The following VWA8 variants were observed in gnomAD, a reference collection of about 807,000 sequenced individuals.
VWA8 encodes the protein von Willebrand factor A domain containing 8, also known as von Willebrand factor A domain-containing protein 8.
Under a neutral mutation model 241.5 loss-of-function variants are expected in VWA8, and 221 were observed. The ratio of observed to expected loss-of-function variants is 0.91; its 90% CI spans 0.82 to 1.02. The LOEUF is 1.02. VWA8 is among the 50% of genes least tolerant of loss of function. The pLI, the probability that VWA8 is intolerant of heterozygous loss-of-function variation, is 0.00. For synonymous variants in VWA8, 852 were observed against 827.1 expected (o/e 1.03, Z -0.52); for missense variants, 2,322 against 2,328.7 (o/e 1.00, Z 0.06).
At chr13:41,830,383 T>C in intron 14 of VWA8, 146 bp downstream of exon 14, 1 of 576,088 alleles carries the variant, frequency 1.7e-6, no homozygotes, top group Non-Finnish European at 2.9e-6. Flanking sequence ...TTTTAAGAAA[T>C]GCCAAAGTAG....
At chr13:41,866,066 G>A (rs761660579) in intron 10 of VWA8, 30 bp from the exon 11 acceptor site, 16 of 1,606,344 alleles carry the variant, frequency 1.0e-5, no homozygotes, top group Non-Finnish European at 1.3e-5. Flanking sequence ...AATATAACAT[G>A]GCCAGATGTG....
intron 35 of VWA8, among the ~76,000 whole-genome samples, chr13:41,676,964 A>T (rs1292306800): frequency 1.3e-5 from 2 of 152,220 alleles, no homozygotes; most frequent in Non-Finnish European, 2.9e-5. Flanking sequence ...CTCAAAAAAA[A>T]ATCTTCTTTC....
At chr13:41,697,258 C>T (rs1207273769) in intron 29 of VWA8, among the ~76,000 whole-genome samples, 1 of 152,190 alleles carries the variant, frequency 6.6e-6, no homozygotes, top group African/African-American at 2.4e-5. Flanking sequence ...GCCCCATCCT[C>T]CTCCAAACCA....
intron 40 of VWA8, among the ~76,000 whole-genome samples, chr13:41,595,905 T>C (rs2044485058): frequency 1.3e-5 from 2 of 152,126 alleles, no homozygotes; most frequent in Non-Finnish European, 2.9e-5. Context: ...TGATGAACAG[T>C]TTTCCAAAGT....
At chr13:41,790,890 T>C (rs1184198204) in intron 17 of VWA8, among the ~76,000 whole-genome samples, 1 of 151,850 alleles carries the variant, frequency 6.6e-6, no homozygotes, top group Non-Finnish European at 1.5e-5. Flanking sequence ...GTTGCAATCT[T>C]AATGCCATTG....
Position 41,779,904 on chromosome 13 carries a change from G to C in VWA8, c.2278-1848C>G, listed in dbSNP as rs112258920. Reference sequence around the variant, plus strand: ...ATTCAAGTCAACAAACCTTAGCTAAGGCTAAAGTCACCGCCAATACAATTC... The same window carrying C: ...ATTCAAGTCAACAAACCTTAGCTAACGCTAAAGTCACCGCCAATACAATTC... On this transcript the variant is annotated intron_variant, in intron 19 of 44. Transcript: ENST00000379310. Among the ~76,000 whole-genome samples the C allele has an allele frequency of 6.1e-3, 931 of 152,198 alleles. 8 individuals carry two copies. The highest frequency in any genetic ancestry group is 0.021 in the African/African-American group (888 of 41,526).
Position 41,896,742 on chromosome 13 carries a change from A to T in VWA8, c.484-5155T>A, listed in dbSNP as rs79071970. On this transcript the variant is annotated intron_variant, in intron 4 of 44. Coordinates refer to ENST00000379310, the MANE Select transcript of VWA8 (RefSeq NM_015058.2). The stretch of plus-strand genomic sequence containing the variant: ...ACTTTCAAATTGGCAAGGATTAAAA[A>T]AGAATGATAATATCCAGTGTCAGTA... 6.3e-3 allele frequency among the ~76,000 whole-genome samples: 957 copies of T among 152,324 alleles called. 6 individuals carry two copies. The highest frequency in any genetic ancestry group is 0.022 in the African/African-American group (909 of 41,582).
chr13:41,637,740 A>T (rs34751297), intron 37 of VWA8, among the ~76,000 whole-genome samples: 4,933 of 151,946 alleles, frequency 0.032, 90 homozygotes, highest in South Asian at 0.078. Flanking sequence ...ATTATGTAAA[A>T]CTCTTCCTCC....
intron 21 of VWA8, among the ~76,000 whole-genome samples, chr13:41,750,952 G>C (rs2045651712): frequency 6.6e-6 from 1 of 151,146 alleles, no homozygotes; most frequent in Admixed American, 6.6e-5. Flanking sequence ...AAGCCAGAAT[G>C]TATGAAGCTA....
chr13:41,726,087 C>T (rs1400994407), intron 24 of VWA8, among the ~76,000 whole-genome samples: 1 of 152,078 alleles, frequency 6.6e-6, no homozygotes, highest in African/African-American at 2.4e-5. Context: ...ACTATACCCA[C>T]TTTACTTACT....
At position 41,811,212 on chromosome 13, in the gene VWA8, A is replaced by C. The variant is rs749044664; in HGVS notation, c.2063+13T>G. On this transcript the variant is annotated intron_variant, in intron 17 of 44. Coordinates refer to ENST00000379310, the MANE Select transcript of VWA8 (RefSeq NM_015058.2). ...TCCAGAAACTTACACGCAGTGAGAA[A>C]GAATATGTTTACCTGGAAAGGCAGG... The C allele has an allele frequency of 8.8e-6, 14 of 1,590,770 alleles. No homozygotes were observed. Among genetic ancestry groups the C allele is most frequent in the African/African-American group, 1.3e-5 (1 of 74,576 alleles).
At chr13:41,896,130 T>C (rs1025216725) in intron 4 of VWA8, among the ~76,000 whole-genome samples, 1 of 152,096 alleles carries the variant, frequency 6.6e-6, no homozygotes, top group African/African-American at 2.4e-5. Context: ...ATGTAATGTA[T>C]GAACAAGAAA....
chr13:41,753,454 C>T (rs1183479244), intron 21 of VWA8, among the ~76,000 whole-genome samples: 2 of 152,138 alleles, frequency 1.3e-5, no homozygotes, highest in African/African-American at 4.8e-5. Context: ...GTCAAATTAA[C>T]ATAACATCAT....
intron 32 of VWA8, among the ~76,000 whole-genome samples, 197 bp downstream of exon 32, chr13:41,691,123 A>G (rs978945227): frequency 6.6e-6 from 1 of 152,138 alleles, no homozygotes; most frequent in African/African-American, 2.4e-5. Context: ...GTTAATTTCA[A>G]TGTCATTTTC....
At chr13:41,770,766 T>G (rs891637257) in intron 20 of VWA8, among the ~76,000 whole-genome samples, 4 of 151,704 alleles carry the variant, frequency 2.6e-5, no homozygotes, top group Non-Finnish European at 5.9e-5. Flanking sequence ...GCTTTTTATT[T>G]TATAAGAAAT....
chr13:41,784,719 TATATATATATACACAC>T (rs1566456291), intron 18 of VWA8, among the ~76,000 whole-genome samples: 5 of 72,670 alleles, frequency 6.9e-5, no homozygotes, highest in African/African-American at 1.3e-4. Flanking sequence ...TATATATATA[TATATATATATACACAC>T]ACATATATAT....
At chr13:41,897,575 C>T (rs1225148150) in intron 4 of VWA8, among the ~76,000 whole-genome samples, 1 of 151,996 alleles carries the variant, frequency 6.6e-6, no homozygotes, top group East Asian at 1.9e-4. Flanking sequence ...GTATTGTGTC[C>T]GAAATTGGTA....
chr13:41,858,848 G>T (rs886825402), intron 12 of VWA8, among the ~76,000 whole-genome samples: 3 of 152,030 alleles, frequency 2.0e-5, no homozygotes, highest in African/African-American at 7.2e-5. Flanking sequence ...ATACTAAGAA[G>T]ACAGGAAGGG....
At chr13:41,633,982 C>G (rs1206320657) in intron 37 of VWA8, among the ~76,000 whole-genome samples, 1 of 152,190 alleles carries the variant, frequency 6.6e-6, no homozygotes, top group East Asian at 1.9e-4. Context: ...ACCCCTCCCA[C>G]TTATCTCCCT....
Sources: allele counts gnomAD v4.1 joint callset (sites outside exome capture counted in the v4.1 genomes callset), GRCh38; gene constraint gnomAD v4.1.1; transcripts MANE v1.5; gene names NCBI Gene and HGNC (gene_info 2026-07-23, HGNC 2026-07-21).